The following ANKS3 variants were observed in gnomAD, a reference collection of about 807,000 sequenced individuals.
ANKS3 encodes ankyrin repeat and SAM domain-containing protein 3.
ANKS3 carries 62 observed loss-of-function variants against 80.7 expected under a neutral mutation model. That is an observed-to-expected ratio of 0.77 (90% CI 0.63 to 0.95). The LOEUF (loss-of-function observed/expected upper bound fraction) is 0.95, where lower values mean the gene tolerates loss of function less well. Among genes scored for constraint, ANKS3 ranks in the 40% least tolerant of loss-of-function variants. The pLI is 0.00. For synonymous variants in ANKS3, 489 were observed against 355.3 expected (o/e 1.38, Z -4.23); for missense variants, 1,150 against 883.6 (o/e 1.30, Z -3.82).
At chr16:4,720,365 G>C (rs2081026168) in intron 6 of ANKS3, among the ~76,000 whole-genome samples, 1 of 150,714 alleles carries the variant, frequency 6.6e-6, no homozygotes. Flanking sequence ...GGGAGGCTGA[G>C]GCAGGAAAAT....
chr16:4,726,561 G>A, intron 5 of ANKS3, 98 bp downstream of exon 5: 2 of 1,336,844 alleles, frequency 1.5e-6, no homozygotes, highest in Non-Finnish European at 2.1e-6. Flanking sequence ...CCGAAGCAGG[G>A]TGGCCCTAAA....
intron 5 of ANKS3, among the ~76,000 whole-genome samples, chr16:4,725,953 C>T (rs538401515): frequency 2.7e-5 from 4 of 150,102 alleles, no homozygotes; most frequent in Non-Finnish European, 5.9e-5. Context: ...CCACTGAGCC[C>T]GGCCAAAACT....
intron 6 of ANKS3, among the ~76,000 whole-genome samples, chr16:4,717,109 G>A (rs1006682313): frequency 2.0e-5 from 3 of 151,776 alleles, no homozygotes; most frequent in African/African-American, 7.3e-5. Context: ...GGGCGTGGTG[G>A]CACACGTCTG....
chr16:4,706,733 A>G (rs2080216151), intron 7 of ANKS3, among the ~76,000 whole-genome samples: 3 of 152,192 alleles, frequency 2.0e-5, no homozygotes. Context: ...ATACAGGAGG[A>G]AATGATGAGA....
At chr16:4,709,988 G>C (rs1176902227) in intron 7 of ANKS3, among the ~76,000 whole-genome samples, 1 of 152,162 alleles carries the variant, frequency 6.6e-6, no homozygotes, top group Non-Finnish European at 1.5e-5. Context: ...TCCAGCCTGG[G>C]TGACAAAGCG....
rs933334025 is a variant in ANKS3 at position 4,696,617 on chromosome 16, A to G, written c.*291T>C. On this transcript the variant is annotated 3_prime_UTR_variant, in exon 18 of 18. Coordinates refer to ENST00000304283, the MANE Select transcript of ANKS3 (RefSeq NM_133450.4). Reference sequence around the variant, plus strand: ...GGCACCTGTGCGTGTATATGGATACACTTTCCCCCCAGGGCCCTGCCTGGT... The same window carrying G: ...GGCACCTGTGCGTGTATATGGATACGCTTTCCCCCCAGGGCCCTGCCTGGT... The G allele has an allele frequency of 4.6e-5, 11 of 238,168 alleles. No individual in the cohort carries two copies. Among genetic ancestry groups the G allele is most frequent in the African/African-American group, 2.1e-4 (9 of 43,788 alleles). 14.8% of individuals were successfully genotyped at this position (238,168 alleles called of 1,614,324 possible).
chr16:4,719,073 G>C (rs796500527), intron 6 of ANKS3, among the ~76,000 whole-genome samples: 1 of 152,176 alleles, frequency 6.6e-6, no homozygotes, highest in Non-Finnish European at 1.5e-5. Context: ...CGTGGTTCCT[G>C]CCTGTAATCC....
In ANKS3 at chr16:4,714,990, C is replaced by CAAAAAAAAA. The variant is rs753327026; in HGVS notation, c.574-813_574-805dup. The stretch of plus-strand genomic sequence containing the variant: ...CTGAAGACAGAGTGAGACTCTGTCT[C>CAAAAAAAAA]AAAAAAAAAAAAAAAAAAAAAAAAA... On this transcript the variant is annotated intron_variant, in intron 6 of 17. Transcript: ENST00000304283. 1.6e-4 allele frequency among the ~76,000 whole-genome samples: 6 copies of CAAAAAAAAA among 36,624 alleles called. 1 individual carries two copies. The highest frequency in any genetic ancestry group is 7.5e-4 in the African/African-American group (5 of 6,698). The allele number at this position is 36,624 out of a possible 152,430, so 24.0% of individuals were successfully genotyped here. A position where few individuals can be genotyped will look rare whatever the true frequency, so the allele number is the denominator to read the frequency against.
At chr16:4,700,805 C>T (rs776517552) in intron 11 of ANKS3, 165 bp downstream of exon 11, 3 of 933,956 alleles carry the variant, frequency 3.2e-6, no homozygotes, top group Non-Finnish European at 5.2e-6. Flanking sequence ...GGGCTGCCAG[C>T]CATGGAGCCG....
In ANKS3 at chr16:4,699,048, G is replaced by A. The variant is rs1418342625; in HGVS notation, c.1409+4C>T. 8.1e-6 allele frequency: 13 copies of A among 1,614,058 alleles called. No individual in the cohort carries two copies. Among genetic ancestry groups the A allele is most frequent in the East Asian group, 2.2e-5 (1 of 44,886 alleles). ...GAGGGCCAGAGCGGCCCTTCTGGAC[G>A]CACGTGATGCCAATTTCCTTCAGGT... is the stretch of plus-strand genomic sequence containing the variant. On this transcript the variant is annotated splice_donor_region_variant and intron_variant, in intron 12 of 17. Transcript: ENST00000304283.
At chr16:4,726,038 C>T (rs1329377443) in intron 5 of ANKS3, among the ~76,000 whole-genome samples, 1 of 148,614 alleles carries the variant, frequency 6.7e-6, no homozygotes, top group African/African-American at 2.5e-5. Context: ...TGCAGTGGTG[C>T]AATCTCGGCT....
intron 1 of ANKS3, among the ~76,000 whole-genome samples, chr16:4,733,116 G>C (rs1309636318): frequency 1.4e-5 from 2 of 140,186 alleles, no homozygotes; most frequent in South Asian, 4.4e-4. Context: ...GATGCTTAAT[G>C]GATACAAAAA....
chr16:4,707,832 C>T (rs899602513), intron 7 of ANKS3, among the ~76,000 whole-genome samples: 6 of 151,840 alleles, frequency 4.0e-5, no homozygotes, highest in African/African-American at 1.5e-4. Context: ...TGATCAGGGC[C>T]GGGCGCGGTG....
chr16:4,699,455 C>T (rs1043332748), intron 11 of ANKS3: 6 of 468,158 alleles, frequency 1.3e-5, no homozygotes, highest in Non-Finnish European at 2.0e-5. Context: ...TGTGAAGGGA[C>T]CATGGAGCTG....
At chr16:4,716,914 C>A (rs1054420968) in intron 6 of ANKS3, among the ~76,000 whole-genome samples, 1 of 150,308 alleles carries the variant, frequency 6.7e-6, no homozygotes, top group Non-Finnish European at 1.5e-5. Flanking sequence ...GATTCCATCT[C>A]AAAAAAATAA....
At chr16:4,712,879 T>TA (rs1294571552) in intron 7 of ANKS3, among the ~76,000 whole-genome samples, 1 of 152,116 alleles carries the variant, frequency 6.6e-6, no homozygotes, top group East Asian at 1.9e-4. Context: ...CATCGATACT[T>TA]AAAGATTATA....
intron 1 of ANKS3, among the ~76,000 whole-genome samples, chr16:4,731,965 G>C (rs1469121298): frequency 1.3e-5 from 2 of 152,218 alleles, no homozygotes; most frequent in Non-Finnish European, 2.9e-5. Context: ...GGCCTTGTCA[G>C]GTTGTGATGA....
At chr16:4,732,685 AAAAAC>A (rs919383960) in intron 1 of ANKS3, among the ~76,000 whole-genome samples, 16 of 151,050 alleles carry the variant, frequency 1.1e-4, no homozygotes, top group East Asian at 7.8e-4. Context: ...TCTCAAAAAA[AAAAAC>A]AAAAAAAAAA....
At chr16:4,709,686 T>C (rs988285054) in intron 7 of ANKS3, among the ~76,000 whole-genome samples, 8 of 152,168 alleles carry the variant, frequency 5.3e-5, no homozygotes, top group African/African-American at 1.4e-4. Context: ...GAAGAGACTA[T>C]GTTCAGTAAA....
Sources: gnomAD v4.1 joint callset for allele counts (sites outside exome capture counted in the v4.1 genomes callset) on GRCh38, gnomAD v4.1.1 for gene constraint, MANE v1.5 for transcripts, NCBI Gene and HGNC (gene_info 2026-07-23, HGNC 2026-07-21) for gene names.